The following FRMD4A variants were observed in gnomAD, a reference collection of about 807,000 sequenced individuals.
FRMD4A encodes FERM domain-containing protein 4A.
FRMD4A carries 29 observed loss-of-function variants against 129.1 expected under a neutral mutation model. The ratio of observed to expected loss-of-function variants is 0.22; its 90% CI spans 0.17 to 0.31. FRMD4A has a LOEUF of 0.31. Ranked by LOEUF, FRMD4A falls within the 10% of genes least tolerant of loss-of-function variation. The pLI is 1.00. For synonymous variants in FRMD4A, 634 were observed against 571.6 expected (o/e 1.11, Z -1.56); for missense variants, 1,272 against 1,375.8 (o/e 0.92, Z 1.19).
chr10:14,298,467 C>A (rs1846080837), intron 2 of FRMD4A, among the ~76,000 whole-genome samples: 1 of 152,114 alleles, frequency 6.6e-6, no homozygotes, highest in South Asian at 2.1e-4. Flanking sequence ...GGCAGGACAC[C>A]CATGCCCTGC....
chr10:14,063,175 C>A (rs1413642725), intron 2 of FRMD4A, among the ~76,000 whole-genome samples: 1 of 40,444 alleles, frequency 2.5e-5, no homozygotes, highest in African/African-American at 6.7e-5. Flanking sequence ...AGGAATAAAT[C>A]TGCTTTTTTT....
intron 2 of FRMD4A, among the ~76,000 whole-genome samples, chr10:14,122,626 A>G (rs1838593599): frequency 6.6e-6 from 1 of 151,896 alleles, no homozygotes; most frequent in African/African-American, 2.4e-5. Context: ...GAGGGCTGCT[A>G]CACACTTTTA....
chr10:14,047,066 A>C (rs775979327), intron 2 of FRMD4A, among the ~76,000 whole-genome samples: 10 of 152,220 alleles, frequency 6.6e-5, no homozygotes, highest in Non-Finnish European at 1.2e-4. Context: ...AGAATGTGAA[A>C]GAATGACTCT....
intron 6 of FRMD4A, among the ~76,000 whole-genome samples, chr10:13,768,333 C>T (rs1416536954): frequency 6.6e-6 from 1 of 152,188 alleles, no homozygotes; most frequent in Non-Finnish European, 1.5e-5. Context: ...CTCCAAGAGT[C>T]CTGAGAGCCG....
intron 2 of FRMD4A, among the ~76,000 whole-genome samples, chr10:13,955,327 C>T (rs1445860531): frequency 3.9e-5 from 6 of 152,024 alleles, no homozygotes; most frequent in African/African-American, 1.2e-4. Flanking sequence ...AGGCTGGTCT[C>T]GAACTCCTGA....
At chr10:14,298,062 G>T (rs1422096607) in intron 2 of FRMD4A, among the ~76,000 whole-genome samples, 1 of 152,246 alleles carries the variant, frequency 6.6e-6, no homozygotes, top group Non-Finnish European at 1.5e-5. Flanking sequence ...AGTTTTATTG[G>T]AACATAGCCA....
At chr10:13,863,964 T>C (rs918169008) in intron 2 of FRMD4A, among the ~76,000 whole-genome samples, 5 of 151,970 alleles carry the variant, frequency 3.3e-5, no homozygotes, top group African/African-American at 1.2e-4. Context: ...ATTTAACGTT[T>C]GGCAAAGTCT....
At chr10:14,249,845 A>G (rs1177974724) in intron 2 of FRMD4A, among the ~76,000 whole-genome samples, 1 of 152,222 alleles carries the variant, frequency 6.6e-6, no homozygotes. Context: ...AAATAATTCT[A>G]GTTTTACTTT....
At chr10:14,286,510 T>A (rs1362169064) in intron 2 of FRMD4A, among the ~76,000 whole-genome samples, 2 of 152,254 alleles carry the variant, frequency 1.3e-5, no homozygotes, top group African/African-American at 4.8e-5. Flanking sequence ...AAAATCAAAA[T>A]TTTTATGATA....
chr10:14,294,319 A>G (rs1845941022), intron 2 of FRMD4A, among the ~76,000 whole-genome samples: 1 of 152,258 alleles, frequency 6.6e-6, no homozygotes. Flanking sequence ...TCAAGGTCTC[A>G]CAGACCAGAG....
At chr10:14,328,203 G>A (rs1005238175) in intron 2 of FRMD4A, among the ~76,000 whole-genome samples, 1 of 152,092 alleles carries the variant, frequency 6.6e-6, no homozygotes, top group African/African-American at 2.4e-5. Context: ...TCCAAGAGAG[G>A]AGAACACGAT....
At chr10:13,794,623 T>C (rs1047307352) in intron 5 of FRMD4A, among the ~76,000 whole-genome samples, 3 of 152,152 alleles carry the variant, frequency 2.0e-5, no homozygotes, top group African/African-American at 7.2e-5. Flanking sequence ...AAAGATCTGC[T>C]TCCATAGGAG....
intron 2 of FRMD4A, among the ~76,000 whole-genome samples, chr10:14,167,293 A>G (rs1841233593): frequency 6.6e-6 from 1 of 152,066 alleles, no homozygotes; most frequent in African/African-American, 2.4e-5. Context: ...GCAGTTTGGG[A>G]GGGTGAGGTG....
At chr10:13,755,131 G>A (rs900273658) in intron 8 of FRMD4A, among the ~76,000 whole-genome samples, 3 of 152,100 alleles carry the variant, frequency 2.0e-5, no homozygotes, top group Admixed American at 6.6e-5. Flanking sequence ...TTTAAAGATC[G>A]CAATCGATAT....
chr10:13,838,252 ATTTTTT>A (rs905362746), intron 3 of FRMD4A, among the ~76,000 whole-genome samples: 1 of 126,002 alleles, frequency 7.9e-6, no homozygotes. Context: ...TGCAGAGCTA[ATTTTTT>A]TTTTTTTTTT....
At chr10:13,804,639 G>A (rs1340327344) in intron 4 of FRMD4A, among the ~76,000 whole-genome samples, 1 of 151,352 alleles carries the variant, frequency 6.6e-6, no homozygotes, top group African/African-American at 2.4e-5. Context: ...CCGCCTCCCG[G>A]GTTCAAGCAA....
intron 2 of FRMD4A, among the ~76,000 whole-genome samples, chr10:14,101,891 T>G (rs1837323536): frequency 6.6e-6 from 1 of 152,248 alleles, no homozygotes; most frequent in Non-Finnish European, 1.5e-5. Context: ...CAGGAGCATC[T>G]TGTCTAATTT....
intron 2 of FRMD4A, among the ~76,000 whole-genome samples, chr10:14,040,296 C>T (rs540103034): frequency 6.6e-6 from 1 of 152,212 alleles, no homozygotes; most frequent in South Asian, 2.1e-4. Flanking sequence ...GAAAATCCTT[C>T]TTCTGTTGAA....
At chr10:13,976,505 G>C (rs1488969349) in intron 2 of FRMD4A, among the ~76,000 whole-genome samples, 3 of 151,630 alleles carry the variant, frequency 2.0e-5, no homozygotes, top group African/African-American at 7.3e-5. Context: ...TTCTATCCCG[G>C]CTCCCAGACC....
Sources: allele counts gnomAD v4.1 joint callset (sites outside exome capture counted in the v4.1 genomes callset), GRCh38; gene constraint gnomAD v4.1.1; transcripts MANE v1.5; gene names NCBI Gene and HGNC (gene_info 2026-07-23, HGNC 2026-07-21).